Variants in EMC1 observed in about 807,000 individuals in gnomAD.
EMC1 encodes the protein KIAA0090.
In EMC1, 103 loss-of-function variants were observed where a neutral mutation model predicts 128.8. The observed-to-expected ratio is 0.80, with a 90% CI of 0.68 to 0.94. The LOEUF (loss-of-function observed/expected upper bound fraction) is 0.94, where lower values mean the gene tolerates loss of function less well. Among genes scored for constraint, EMC1 ranks in the 40% least tolerant of loss-of-function variants. The pLI is 0.00. For synonymous variants in EMC1, 442 were observed against 490.4 expected, an observed-to-expected ratio of 0.90 and a Z score of 1.30; for missense variants, 1,083 against 1,250.6, an observed-to-expected ratio of 0.87 and a Z score of 2.02.
intron 2 of EMC1, among the ~76,000 whole-genome samples, chr1:19,244,369 G>A (rs2093621904): frequency 6.6e-6 from 1 of 152,156 alleles, no homozygotes; most frequent in Non-Finnish European, 1.5e-5. Context: ...TTAAGTGAGG[G>A]TATCTGAGAG....
intron 3 of EMC1, 90 bp downstream of exon 3, chr1:19,243,860 T>C: frequency 6.6e-7 from 1 of 1,507,592 alleles, no homozygotes; most frequent in South Asian, 1.1e-5. Flanking sequence ...CCCAGTCTCC[T>C]TTCCCTACCA....
chr1:19,218,990 A>AAAAC lies in EMC1; in HGVS notation c.*312_*313insGTTT, dbSNP rs2093411252. ...AAAATCAGCCGGAATTCTTATTAAA[A>AAAAC]AAAACAAAACAGAACATTCATGGAT... is the stretch of plus-strand genomic sequence containing the variant. On this transcript the variant is annotated 3_prime_UTR_variant, in exon 23 of 23. Coordinates refer to ENST00000477853, the MANE Select transcript of EMC1 (RefSeq NM_015047.3). 9.4e-6 allele frequency: 2 copies of AAAAC among 213,184 alleles called. No homozygotes were observed. Among genetic ancestry groups the AAAAC allele is most frequent in the South Asian group, 3.1e-4 (2 of 6,400 alleles). 13.2% of individuals were successfully genotyped at this position (213,184 alleles called of 1,614,324 possible).
In EMC1 at chr1:19,216,606, CTCATT is replaced by C. The variant is rs1467122545; in HGVS notation, c.*2692_*2696del. 2 of 152,226 alleles carry C rather than the reference CTCATT, an allele frequency of 1.3e-5. No individual in the cohort carries two copies. Among genetic ancestry groups the C allele is most frequent in the South Asian group, 2.1e-4 (1 of 4,832 alleles). The allele number at this position is 152,226 out of a possible 1,614,324, so 9.4% of individuals were successfully genotyped here. A position where few individuals can be genotyped will look rare whatever the true frequency, so the allele number is the denominator to read the frequency against. On this transcript the variant is annotated 3_prime_UTR_variant, in exon 23 of 23. Transcript: ENST00000477853. ...AAGTAACAGAATTAAATAGCATCAT[CTCATT>C]TAAGAAAACACTGTATACAAGAACA...
chr1:19,229,062 G>A (rs1007918308), intron 17 of EMC1, among the ~76,000 whole-genome samples: 5 of 152,046 alleles, frequency 3.3e-5, no homozygotes, highest in African/African-American at 1.2e-4. Context: ...AATAAATAAA[G>A]TATGAGCCAC....
intron 19 of EMC1, among the ~76,000 whole-genome samples, 162 bp downstream of exon 19, chr1:19,223,234 C>T (rs765937316): frequency 2.6e-5 from 4 of 152,154 alleles, no homozygotes; most frequent in Non-Finnish European, 5.9e-5. Flanking sequence ...TAAACCTAGG[C>T]AATCTGATTC....
chr1:19,249,761 C>CA (rs1349742565), intron 1 of EMC1, among the ~76,000 whole-genome samples: 1 of 151,702 alleles, frequency 6.6e-6, no homozygotes, highest in Admixed American at 6.6e-5. Flanking sequence ...CCCGTCTCTA[C>CA]AAAAAATACA....
At chr1:19,249,687 G>C (rs1004050354) in intron 1 of EMC1, among the ~76,000 whole-genome samples, 9 of 152,140 alleles carry the variant, frequency 5.9e-5, no homozygotes, top group African/African-American at 2.2e-4. Flanking sequence ...CACTTTGGGA[G>C]GCCGAGGCAG....
chr1:19,228,728 A>G (rs1175870008), intron 17 of EMC1, among the ~76,000 whole-genome samples: 1 of 152,166 alleles, frequency 6.6e-6, no homozygotes, highest in Non-Finnish European at 1.5e-5. Context: ...ATAAGAATAA[A>G]TATAGGTCAA....
chr1:19,233,531 G>A (rs2093540231), intron 13 of EMC1, among the ~76,000 whole-genome samples: 1 of 152,196 alleles, frequency 6.6e-6, no homozygotes, highest in Admixed American at 6.5e-5. Flanking sequence ...GGAGGGTGCA[G>A]GTCAGTGAAT....
chr1:19,233,937 G>A (rs1017507451), intron 13 of EMC1, among the ~76,000 whole-genome samples: 11 of 152,104 alleles, frequency 7.2e-5, no homozygotes, highest in Non-Finnish European at 1.3e-4. Context: ...GTGGTGGCTG[G>A]TACATGGTAA....
Position 19,239,907 on chromosome 1 carries a change from C to A in EMC1, c.865G>T (p.Ala289Ser). The A allele has an allele frequency of 6.2e-7, 1 of 1,614,036 alleles. No homozygotes were observed. The highest frequency in any genetic ancestry group is 1.1e-5 in the South Asian group (1 of 91,084). ...TQPNPVDASRAQFFLHLSPSH... is the reference protein window; with the variant it reads ...TQPNPVDASRSQFFLHLSPSH... ...GGGGACAAGTGCAGGAAGAACTGGG[C>A]CCGGGAAGCGTCCACTGGGTTGGGC... The change falls in exon 8 of 23, where the codon GCC becomes TCC. Residue 289 changes from alanine (A) to serine (S), a missense_variant. Ala to Ser is a moderately conservative substitution (Grantham distance 99, BLOSUM62 1). This residue lies in a region of EMC1 where 544 missense variants were observed against 572.4 expected (regional missense o/e 0.95). Coordinates refer to ENST00000477853, the MANE Select transcript of EMC1 (RefSeq NM_015047.3).
At chr1:19,225,244 C>T (rs1040966837) in intron 18 of EMC1, among the ~76,000 whole-genome samples, 10 of 152,298 alleles carry the variant, frequency 6.6e-5, no homozygotes, top group African/African-American at 1.9e-4. Flanking sequence ...TGGCCGGGTG[C>T]GGTGGCTCAT....
chr1:19,238,913 C>G (rs1422487837), intron 9 of EMC1, 56 bp from the exon 10 acceptor site: 1 of 1,215,726 alleles, frequency 8.2e-7, no homozygotes, highest in Non-Finnish European at 1.2e-6. Flanking sequence ...TTCCCAGTCA[C>G]TGAAATGAAG....
Position 19,238,052 on chromosome 1 carries a change from A to C in EMC1, c.1177T>G (p.Phe393Val). ...CGAGTGCCGCTCTGTTCCAGGCTAA[A>C]TGTTATCGTGGTGTCCAGCAGCCGC... ...GRRLLDTTIT[F>V]SLEQSGTRPE... is the part of the protein sequence containing the mutation. Residue 393 changes from phenylalanine to valine, a missense_variant, in exon 11 of 23, where the codon TTT (phenylalanine) becomes GTT (valine). Phe to Val is a conservative substitution (Grantham distance 50). Transcript: ENST00000477853. 1 of 1,614,064 alleles carries C rather than the reference A, an allele frequency of 6.2e-7. No individual in the cohort carries two copies.
intron 18 of EMC1, among the ~76,000 whole-genome samples, chr1:19,226,660 ATCC>A (rs2093476037): frequency 6.6e-6 from 1 of 151,610 alleles, no homozygotes; most frequent in Admixed American, 6.6e-5. Context: ...GGCTCAGGTG[ATCC>A]TCCTACCTCA....
chr1:19,243,548 C>A, intron 4 of EMC1, 66 bp downstream of exon 4: 1 of 1,418,228 alleles, frequency 7.1e-7, no homozygotes, highest in South Asian at 1.1e-5. Flanking sequence ...GAGTTGCTGT[C>A]TATGCAGATC....
intron 1 of EMC1, among the ~76,000 whole-genome samples, chr1:19,245,842 G>A (rs2093629767): frequency 6.6e-6 from 1 of 151,550 alleles, no homozygotes; most frequent in Admixed American, 6.6e-5. Context: ...GGCCAGGCTG[G>A]TCTCGAACTC....
At chr1:19,245,929 G>A (rs1451878220) in intron 1 of EMC1, among the ~76,000 whole-genome samples, 1 of 151,952 alleles carries the variant, frequency 6.6e-6, no homozygotes, top group Non-Finnish European at 1.5e-5. Context: ...GCCCGACTGA[G>A]ATCACAGCAC....
intron 10 of EMC1, 86 bp from the exon 11 acceptor site, chr1:19,238,225 A>G: frequency 6.7e-7 from 1 of 1,502,414 alleles, no homozygotes; most frequent in Non-Finnish European, 9.1e-7. Context: ...GGGGGCAAAT[A>G]CCCTAGAGAA....
Sources: allele counts gnomAD v4.1 joint callset (sites outside exome capture counted in the v4.1 genomes callset), GRCh38; gene constraint gnomAD v4.1.1; regional missense constraint gnomAD v4.1.1; transcripts MANE v1.5; gene names NCBI Gene and HGNC (gene_info 2026-07-23, HGNC 2026-07-21).